Variants in PRUNE2 observed in about 807,000 individuals in gnomAD.
PRUNE2 encodes prune homolog 2 with BCH domain.
PRUNE2 carries 164 observed loss-of-function variants against 252.0 expected under a neutral mutation model. The observed-to-expected ratio is 0.65, with a 90% CI of 0.57 to 0.74. PRUNE2 has a LOEUF of 0.74. Ranked by LOEUF, PRUNE2 falls within the 30% of genes least tolerant of loss-of-function variation. PRUNE2 has a pLI of 0.00. For missense variants in PRUNE2, 3,495 were observed against 3,711.0 expected (o/e 0.94, Z 1.51); for synonymous variants, 1,292 against 1,350.2 (o/e 0.96, Z 0.94).
At chr9:76,764,205 A>G (rs2052065868) in intron 6 of PRUNE2, among the ~76,000 whole-genome samples, 1 of 151,886 alleles carries the variant, frequency 6.6e-6, no homozygotes, top group Non-Finnish European at 1.5e-5. Context: ...ATGGAGCTGC[A>G]TTTCAGTGCA....
intron 9 of PRUNE2, among the ~76,000 whole-genome samples, chr9:76,696,089 T>C (rs569922547): frequency 3.3e-4 from 50 of 152,234 alleles, no homozygotes; most frequent in South Asian, 1.2e-3. Context: ...CCCACCCCAG[T>C]TGTGACAACC....
At chr9:76,897,262 A>G (rs2062875608) in intron 1 of PRUNE2, among the ~76,000 whole-genome samples, 1 of 152,126 alleles carries the variant, frequency 6.6e-6, no homozygotes, top group African/African-American at 2.4e-5. Flanking sequence ...CAAGAATGAA[A>G]TGTTCCAGGA....
At chr9:76,639,098 T>C (rs1311342282) in intron 12 of PRUNE2, among the ~76,000 whole-genome samples, 2 of 152,216 alleles carry the variant, frequency 1.3e-5, no homozygotes, top group Non-Finnish European at 2.9e-5. Flanking sequence ...TCCAGAGCTA[T>C]ATGACGTTCC....
At chr9:76,868,204 G>T (rs1408829050) in intron 1 of PRUNE2, among the ~76,000 whole-genome samples, 4 of 152,076 alleles carry the variant, frequency 2.6e-5, no homozygotes, top group African/African-American at 9.7e-5. Context: ...AGTAAATGGT[G>T]GCATAGGACA....
chr9:76,867,896 G>A (rs1458291115), intron 1 of PRUNE2, among the ~76,000 whole-genome samples: 2 of 152,032 alleles, frequency 1.3e-5, no homozygotes, highest in African/African-American at 4.8e-5. Context: ...TCTTAATCTT[G>A]ACAGCCTAAT....
intron 6 of PRUNE2, among the ~76,000 whole-genome samples, chr9:76,770,207 G>C (rs2052937359): frequency 6.6e-6 from 1 of 152,046 alleles, no homozygotes; most frequent in South Asian, 2.1e-4. Context: ...ATTCTTTGAA[G>C]ATTATTTTTA....
At chr9:76,890,178 G>C (rs769905345) in intron 1 of PRUNE2, among the ~76,000 whole-genome samples, 5 of 152,178 alleles carry the variant, frequency 3.3e-5, no homozygotes, top group African/African-American at 4.8e-5. Context: ...TCAGTTTCCA[G>C]CTCTGCAAAC....
At chr9:76,693,383 G>GA (rs1436513278) in intron 9 of PRUNE2, among the ~76,000 whole-genome samples, 1 of 149,738 alleles carries the variant, frequency 6.7e-6, no homozygotes, top group African/African-American at 2.5e-5. Flanking sequence ...ATGGGAAAGT[G>GA]AATTACTCAG....
chr9:76,746,747 A>C (rs2050160901), intron 6 of PRUNE2, among the ~76,000 whole-genome samples: 1 of 145,846 alleles, frequency 6.9e-6, no homozygotes. Flanking sequence ...AAAAACCCCA[A>C]AGAGCAGGAT....
intron 12 of PRUNE2, chr9:76,644,437 C>CCAAA: frequency 2.4e-6 from 1 of 417,446 alleles, no homozygotes; most frequent in East Asian, 5.8e-5. Context: ...GATAAGAATG[C>CCAAA]CAAACAGACA....
intron 12 of PRUNE2, among the ~76,000 whole-genome samples, chr9:76,640,876 G>GT (rs1462895203): frequency 1.3e-5 from 2 of 152,086 alleles, no homozygotes; most frequent in African/African-American, 2.4e-5. Flanking sequence ...TTTCAAAAGC[G>GT]TTTTTCTAAA....
In PRUNE2 at chr9:76,704,013, C is replaced by A; in HGVS notation, c.7600G>T (p.Glu2534Ter). The A allele has an allele frequency of 6.2e-7, 1 of 1,613,780 alleles. No individual in the cohort carries two copies. Among genetic ancestry groups the A allele is most frequent in the Non-Finnish European group, 8.5e-7 (1 of 1,179,786 alleles). The change falls in exon 9 of 19, where the codon GAA becomes TAA. Residue 2534 changes from glutamate (E) to a stop codon, truncating the protein, a stop_gained. Transcript: ENST00000376718. LOFTEE classifies it high-confidence loss of function. The part of the protein sequence containing the change: ...PEQIKSEYKE[E>*]RCTEKNEDRH... Reference sequence around the variant, plus strand: ...TCTTCATTCTTCTCTGTACATCTTTCTTCCTTGTATTCTGATTTTATCTGC... The same window carrying A: ...TCTTCATTCTTCTCTGTACATCTTTATTCCTTGTATTCTGATTTTATCTGC...
intron 1 of PRUNE2, among the ~76,000 whole-genome samples, chr9:76,881,154 G>A (rs1027857174): frequency 3.9e-5 from 6 of 152,034 alleles, no homozygotes; most frequent in Admixed American, 3.3e-4. Flanking sequence ...TTTTAGTAGA[G>A]ACAGGGTTTC....
intron 6 of PRUNE2, among the ~76,000 whole-genome samples, chr9:76,760,289 A>T (rs968112923): frequency 3.9e-5 from 6 of 152,124 alleles, no homozygotes; most frequent in Non-Finnish European, 8.8e-5. Flanking sequence ...TCCATCACAC[A>T]CCAGCTACTT....
chr9:76,818,979 C>A (rs1008601372), intron 6 of PRUNE2, among the ~76,000 whole-genome samples: 1 of 152,112 alleles, frequency 6.6e-6, no homozygotes, highest in African/African-American at 2.4e-5. Context: ...GGCCAGGCGC[C>A]ATGGCTCATG....
chr9:76,823,861 A>T (rs1372697762), intron 5 of PRUNE2, 135 bp from the exon 6 acceptor site: 1 of 573,024 alleles, frequency 1.7e-6, no homozygotes, highest in Non-Finnish European at 3.1e-6. Context: ...ATCCACAATA[A>T]ACACACACAC....
At chr9:76,627,195 G>A (rs1835214539) in intron 16 of PRUNE2, among the ~76,000 whole-genome samples, 1 of 151,044 alleles carries the variant, frequency 6.6e-6, no homozygotes. Context: ...CCGCCTCCCA[G>A]GCTCAAGCAA....
chr9:76,890,531 C>T (rs367964276), intron 1 of PRUNE2, among the ~76,000 whole-genome samples: 18 of 152,278 alleles, frequency 1.2e-4, no homozygotes, highest in African/African-American at 3.4e-4. Context: ...GATTTACTTC[C>T]AGGACCCCCT....
At chr9:76,691,610 A>G (rs1256911361) in intron 9 of PRUNE2, among the ~76,000 whole-genome samples, 4 of 152,190 alleles carry the variant, frequency 2.6e-5, no homozygotes, top group Non-Finnish European at 5.9e-5. Flanking sequence ...ACTAGCTTCA[A>G]TAGCAATTAG....
Sources: allele counts gnomAD v4.1 joint callset (sites outside exome capture counted in the v4.1 genomes callset), GRCh38; gene constraint gnomAD v4.1.1; transcripts MANE v1.5; gene names NCBI Gene and HGNC (gene_info 2026-07-23, HGNC 2026-07-21).